The following EXOC2 variants were observed in gnomAD, a reference collection of about 807,000 sequenced individuals.
The protein encoded by EXOC2 is exocyst complex component 2.
In EXOC2, 70 loss-of-function variants were observed where a neutral mutation model predicts 131.8. The observed-to-expected ratio is 0.53, with a 90% CI of 0.44 to 0.65. The LOEUF (loss-of-function observed/expected upper bound fraction) is 0.65, where lower values mean the gene tolerates loss of function less well. Among genes scored for constraint, EXOC2 ranks in the 30% least tolerant of loss-of-function variants. The pLI is 0.00. For missense variants in EXOC2, 923 were observed against 1,108.6 expected (o/e 0.83, Z 2.38); for synonymous variants, 411 against 398.4 (o/e 1.03, Z -0.38).
intron 1 of EXOC2, among the ~76,000 whole-genome samples, chr6:673,147 G>A (rs6909741): frequency 0.083 from 12,459 of 150,594 alleles, 599 homozygotes; most frequent in Admixed American, 0.12. Flanking sequence ...CTGGGATACC[G>A]GCTACTCATG....
chr6:611,022 A>C (rs1170519270), intron 6 of EXOC2, among the ~76,000 whole-genome samples: 1 of 152,246 alleles, frequency 6.6e-6, no homozygotes, highest in Admixed American at 6.5e-5. Flanking sequence ...TAACAGTGAC[A>C]TAAGATGTTT....
intron 23 of EXOC2, among the ~76,000 whole-genome samples, chr6:517,752 A>G (rs1765235971): frequency 1.3e-5 from 2 of 152,248 alleles, no homozygotes; most frequent in South Asian, 4.1e-4. Flanking sequence ...CTCCTGATGG[A>G]AGTAAACAAT....
At chr6:631,249 A>C (rs1761832773) in intron 3 of EXOC2, among the ~76,000 whole-genome samples, 1 of 152,186 alleles carries the variant, frequency 6.6e-6, no homozygotes, top group Admixed American at 6.5e-5. Context: ...AGTTCAAGAA[A>C]GCTTTACTGG....
chr6:661,330 AC>A (rs1335427608), intron 1 of EXOC2, among the ~76,000 whole-genome samples: 1 of 152,230 alleles, frequency 6.6e-6, no homozygotes, highest in African/African-American at 2.4e-5. Context: ...TCACCTAGGC[AC>A]ACTGTCATCA....
chr6:595,322 T>C (rs1737548), intron 10 of EXOC2, among the ~76,000 whole-genome samples: 14,320 of 152,122 alleles, frequency 0.094, 1,319 homozygotes, highest in African/African-American at 0.23. Flanking sequence ...TTGATGCTCA[T>C]AAATTTCAAA....
In EXOC2 at chr6:654,375, G is replaced by C. The variant is rs1426622005; in HGVS notation, c.-43-16514C>G. On this transcript the variant is annotated intron_variant, in intron 1 of 27. Transcript: ENST00000230449. Reference sequence around the variant, plus strand: ...TAAGAACACTGATGATTCATGGGAAGAGGTAAAAATATCAACATTAACAGG... The same window carrying C: ...TAAGAACACTGATGATTCATGGGAACAGGTAAAAATATCAACATTAACAGG... Among the ~76,000 whole-genome samples the C allele has an allele frequency of 2.0e-5, 3 of 152,174 alleles. No individual in the cohort carries two copies. In the East Asian group the frequency reaches 5.8e-4, roughly 29 times the overall value.
chr6:634,736 A>G (rs567184081), intron 2 of EXOC2, among the ~76,000 whole-genome samples: 2 of 152,260 alleles, frequency 1.3e-5, no homozygotes, highest in Middle Eastern at 3.4e-3. Flanking sequence ...TATGGTTTCT[A>G]CTGGTATATT....
In EXOC2 at chr6:542,532, G is replaced by C. The variant is rs140470423; in HGVS notation, c.2238+6643C>G. ...ATCAAGATTTTGTGAAGTCCGGATT[G>C]ACTGAGGAAAAGGCAGTCCTAGAAA... is the stretch of plus-strand genomic sequence containing the variant. On this transcript the variant is annotated intron_variant, in intron 22 of 27. Transcript: ENST00000230449. 2.9e-3 allele frequency among the ~76,000 whole-genome samples: 438 copies of C among 152,274 alleles called. 2 individuals carry two copies. Among genetic ancestry groups the C allele is most frequent in the African/African-American group, 8.5e-3 (352 of 41,562 alleles).
chr6:507,255 A>C (rs1764610028), intron 23 of EXOC2, among the ~76,000 whole-genome samples: 1 of 96,540 alleles, frequency 1.0e-5, no homozygotes, highest in Non-Finnish European at 1.9e-5. Flanking sequence ...CCCCCCACAC[A>C]CACACAGCAG....
chr6:524,957 G>C (rs908250276), intron 23 of EXOC2: 3 of 152,192 alleles, frequency 2.0e-5, no homozygotes, highest in Non-Finnish European at 4.4e-5. Context: ...AGTCGTGGAT[G>C]GCCCTCAGAT....
chr6:580,214 G>A (rs1269585245), intron 11 of EXOC2, among the ~76,000 whole-genome samples: 3 of 152,030 alleles, frequency 2.0e-5, no homozygotes, highest in Non-Finnish European at 4.4e-5. Context: ...GCTAATTTTT[G>A]TATTTTTAGT....
At chr6:669,932 G>A (rs1445634794) in intron 1 of EXOC2, 1 of 152,236 alleles carries the variant, frequency 6.6e-6, no homozygotes, top group Non-Finnish European at 1.5e-5. Context: ...CTCTTACTGG[G>A]GTTTGGGAGC....
At chr6:496,699 GATTTTTT>G (rs1260708531) in intron 25 of EXOC2, among the ~76,000 whole-genome samples, 1 of 152,032 alleles carries the variant, frequency 6.6e-6, no homozygotes, top group Non-Finnish European at 1.5e-5. Context: ...TGTCTTCAGG[GATTTTTT>G]CAAAATTAAA....
chr6:678,332 T>C (rs998188686), intron 1 of EXOC2, among the ~76,000 whole-genome samples: 5 of 152,346 alleles, frequency 3.3e-5, no homozygotes, highest in East Asian at 1.9e-4. Context: ...TAATAACTAA[T>C]GTCACAGGAA....
At chr6:492,312 T>A (rs962327080) in intron 25 of EXOC2, among the ~76,000 whole-genome samples, 14 of 152,218 alleles carry the variant, frequency 9.2e-5, no homozygotes, top group Admixed American at 5.9e-4. Flanking sequence ...AAATTGCTGG[T>A]AGGAATGTCT....
chr6:653,471 T>G (rs1000904900), intron 1 of EXOC2, among the ~76,000 whole-genome samples: 2 of 152,182 alleles, frequency 1.3e-5, no homozygotes, highest in African/African-American at 4.8e-5. Flanking sequence ...TGATCTAGAT[T>G]GAAGATAAAC....
chr6:654,803 C>CAAAAAAAAAAAAAAAAAAAAAAAAAAA (rs66637987), intron 1 of EXOC2, among the ~76,000 whole-genome samples: 1 of 29,562 alleles, frequency 3.4e-5, no homozygotes, highest in Non-Finnish European at 7.0e-5. Flanking sequence ...GACCCTGTCT[C>CAAAAAAAAAAAAAAAAAAAAAAAAAAA]AAAAAAAAAA....
chr6:615,028 C>T (rs1442907923), intron 6 of EXOC2, among the ~76,000 whole-genome samples: 1 of 151,794 alleles, frequency 6.6e-6, no homozygotes. Context: ...AAATACTAAA[C>T]AGATAACGAA....
intron 21 of EXOC2, among the ~76,000 whole-genome samples, chr6:552,752 A>T (rs1400453087): frequency 1.2e-4 from 19 of 152,136 alleles, no homozygotes; most frequent in Non-Finnish European, 2.8e-4. Flanking sequence ...AATTACTTTG[A>T]CCAAACTATA....
Sources: allele counts gnomAD v4.1 joint callset (sites outside exome capture counted in the v4.1 genomes callset), GRCh38; gene constraint gnomAD v4.1.1; transcripts MANE v1.5; gene names NCBI Gene and HGNC (gene_info 2026-07-23, HGNC 2026-07-21).